ERO1A: variants seen among roughly 807,000 people sequenced by gnomAD.
The protein encoded by ERO1A is endoplasmic reticulum oxidoreductase 1 alpha.
ERO1A carries 49 observed loss-of-function variants against 76.9 expected under a neutral mutation model. That is an observed-to-expected ratio of 0.64 (90% confidence interval 0.51 to 0.81). The LOEUF (loss-of-function observed/expected upper bound fraction) is 0.81. Ranked by LOEUF, ERO1A falls within the 30% of genes least tolerant of loss-of-function variation. The pLI is 0.00. For missense variants in ERO1A, 448 were observed against 542.1 expected (o/e 0.83, Z 1.72); for synonymous variants, 174 against 181.2 (o/e 0.96, Z 0.32).
At chr14:52,659,939 TCCTCCCATCTCAG>T (rs1404025733) in intron 9 of ERO1A, among the ~76,000 whole-genome samples, 1 of 151,884 alleles carries the variant, frequency 6.6e-6, no homozygotes, top group East Asian at 1.9e-4. Flanking sequence ...GCTCAAGTGA[TCCTCCCATCTCAG>T]CCTCCCACAC....
chr14:52,662,108 A>T (rs1320460362), intron 8 of ERO1A, among the ~76,000 whole-genome samples: 1 of 152,150 alleles, frequency 6.6e-6, no homozygotes, highest in Non-Finnish European at 1.5e-5. Flanking sequence ...AATTTACAGC[A>T]ATATTTACAA....
intron 4 of ERO1A, among the ~76,000 whole-genome samples, chr14:52,677,191 C>G (rs77032508): frequency 0.02 from 3,056 of 152,174 alleles, 108 homozygotes; most frequent in African/African-American, 0.069. Flanking sequence ...AGGTAATAAT[C>G]ATCAAGGCTG....
At chr14:52,687,180 C>T (rs1207962999) in intron 1 of ERO1A, among the ~76,000 whole-genome samples, 1 of 152,190 alleles carries the variant, frequency 6.6e-6, no homozygotes, top group East Asian at 1.9e-4. Flanking sequence ...GTAATCAGCA[C>T]TTTGGGAGGC....
chr14:52,685,143 C>T (rs1461360652), intron 1 of ERO1A, among the ~76,000 whole-genome samples: 4 of 151,996 alleles, frequency 2.6e-5, no homozygotes, highest in African/African-American at 9.7e-5. Flanking sequence ...TATTTCAGAA[C>T]ACTGTAAAAT....
At chr14:52,648,445 T>A (rs377472456) in intron 13 of ERO1A, among the ~76,000 whole-genome samples, 23 of 152,256 alleles carry the variant, frequency 1.5e-4, no homozygotes, top group African/African-American at 5.5e-4. Context: ...ATTATGAGGA[T>A]CCACAGAATC....
At chr14:52,693,396 T>C (rs1248263492) in intron 1 of ERO1A, among the ~76,000 whole-genome samples, 1 of 152,204 alleles carries the variant, frequency 6.6e-6, no homozygotes, top group African/African-American at 2.4e-5. Context: ...AAACTCCAAG[T>C]TCTTCAGTTT....
Position 52,646,246 on chromosome 14 carries a change from C to T in ERO1A, c.1254G>A (p.Glu418=), listed in dbSNP as rs539952521. 6.2e-7 allele frequency: 1 copy of T among 1,613,892 alleles called. No individual in the cohort carries two copies. The highest frequency in any genetic ancestry group is 1.7e-5 in the Admixed American group (1 of 59,994). Residue 418 remains glutamate, a synonymous_variant, in exon 15 of 16, where the codon GAG becomes GAA. Transcript: ENST00000395686. ...TTTCTGGCATATTTGCTATCAATTT[C>T]TCAGAAAATAAGATCTTCAGAGCAG... is the stretch of plus-strand genomic sequence containing the variant. ...LGTALKILFS[E]KLIANMPESG... is the part of the protein sequence containing the mutation.
chr14:52,646,656 C>T (rs953934100), intron 13 of ERO1A, 195 bp from the exon 14 acceptor site: 44 of 458,616 alleles, frequency 9.6e-5, no homozygotes, highest in Non-Finnish European at 1.5e-4. Flanking sequence ...ACCACAAATC[C>T]AAAGGTAGTT....
chr14:52,652,968 C>G (rs2039922459), intron 12 of ERO1A, 101 bp downstream of exon 12: 1 of 807,444 alleles, frequency 1.2e-6, no homozygotes, highest in Admixed American at 2.7e-5. Context: ...GCACTCCAGC[C>G]TGGGCAACAG....
rs201842934 is a variant in ERO1A, at chr14:52,663,784, G to T, written c.676+17C>A. 44 of 1,464,384 alleles carry T rather than the reference G, an allele frequency of 3.0e-5. No homozygotes were observed. Among genetic ancestry groups the T allele is most frequent in the Non-Finnish European group, 4.2e-5 (44 of 1,046,860 alleles). The allele number at this position is 1,464,384 out of a possible 1,614,324, so 90.7% of individuals were successfully genotyped here. On this transcript the variant is annotated intron_variant, in intron 8 of 15. Coordinates refer to ENST00000395686, the MANE Select transcript of ERO1A (RefSeq NM_014584.3). ...CCTGGCTGAGAAATAATATAACAAC[G>T]CAAATAAGTAATTTACCTTGACCAG...
chr14:52,646,166 T>C lies in ERO1A; in HGVS notation c.1334A>G (p.Asn445Ser), dbSNP rs372686338. 8 of 1,610,824 alleles carry C rather than the reference T, an allele frequency of 5.0e-6. No individual in the cohort carries two copies. Among genetic ancestry groups the C allele is most frequent in the Admixed American group, 3.4e-5 (2 of 59,332 alleles). Residue 445 changes from asparagine (N) to serine (S), a missense_variant, in exon 15 of 16, where the codon AAC becomes AGC. By Grantham distance (46) the Asn-to-Ser change is conservative (BLOSUM62 1). Around this residue, in one of 2 missense-constraint regions of ERO1A, gnomAD observed 302 missense variants for 411.9 expected, o/e 0.73. Coordinates refer to ENST00000395686, the MANE Select transcript of ERO1A (RefSeq NM_014584.3). ...LTRQEIVSLF[N>S]AFGRISTSVK... Reference sequence around the variant, plus strand: ...CATTCAAACTAACCTTCCAAATGCGTTGAATAATGATACTATTTCTTGTCT... The same window carrying C: ...CATTCAAACTAACCTTCCAAATGCGCTGAATAATGATACTATTTCTTGTCT...
Position 52,680,467 on chromosome 14 carries a change from T to C in ERO1A, c.318+1858A>G, listed in dbSNP as rs139237617. On this transcript the variant is annotated intron_variant, in intron 3 of 15. Transcript: ENST00000395686. ...CTTCATCAATAATAATCAGAAATAA[T>C]TGGTATCTCAAGATGAGATTTGACT... Among the ~76,000 whole-genome samples, 26 of 152,318 alleles carry C rather than the reference T, an allele frequency of 1.7e-4. No individual in the cohort carries two copies. In the East Asian group the frequency reaches 2.1e-3, roughly 12 times the overall value.
chr14:52,662,897 G>C (rs1000020058), intron 8 of ERO1A, among the ~76,000 whole-genome samples: 1 of 151,836 alleles, frequency 6.6e-6, no homozygotes, highest in African/African-American at 2.4e-5. Context: ...AGGGTAGATC[G>C]ATAGATACAT....
chr14:52,654,838 G>A (rs1365043171), intron 11 of ERO1A, among the ~76,000 whole-genome samples: 2 of 152,030 alleles, frequency 1.3e-5, no homozygotes, highest in African/African-American at 2.4e-5. Flanking sequence ...TCTATGTGAT[G>A]GCTACAGTTT....
rs145923553 is a variant in ERO1A at position 52,662,189 on chromosome 14, C to T, written c.677-885G>A. Among the ~76,000 whole-genome samples, 564 of 152,126 alleles carry T rather than the reference C, an allele frequency of 3.7e-3. 2 individuals are homozygous for T. Among genetic ancestry groups the T allele is most frequent in the South Asian group, 0.011 (55 of 4,818 alleles). Reference sequence around the variant, plus strand: ...CCTAATGATAAACATTTAAATTGTTCCTATGTATCTTTATGGTAAGTGACG... The same window carrying T: ...CCTAATGATAAACATTTAAATTGTTTCTATGTATCTTTATGGTAAGTGACG... On this transcript the variant is annotated intron_variant, in intron 8 of 15. Coordinates refer to ENST00000395686, the MANE Select transcript of ERO1A (RefSeq NM_014584.3).
chr14:52,691,321 TAC>T (rs2041347371), intron 1 of ERO1A, among the ~76,000 whole-genome samples: 2 of 152,216 alleles, frequency 1.3e-5, no homozygotes, highest in Admixed American at 1.3e-4. Context: ...CCTAGAACGC[TAC>T]AGGTCATTTT....
chr14:52,680,790 T>C (rs2139754298), intron 3 of ERO1A, among the ~76,000 whole-genome samples: 1 of 152,358 alleles, frequency 6.6e-6, no homozygotes, highest in East Asian at 1.9e-4. Context: ...GTTGTATCTA[T>C]ATGAGGATTA....
At chr14:52,655,364 C>T (rs1264026511) in intron 11 of ERO1A, among the ~76,000 whole-genome samples, 1 of 125,666 alleles carries the variant, frequency 8.0e-6, no homozygotes, top group Non-Finnish European at 1.7e-5. Context: ...GACTCTGTCT[C>T]AAAAAAAAAA....
In ERO1A at chr14:52,661,322, A is replaced by G. The variant is rs1594824200; in HGVS notation, c.677-18T>C. 1 of 1,402,004 alleles carries G rather than the reference A, an allele frequency of 7.1e-7. No homozygotes were observed. Among genetic ancestry groups the G allele is most frequent in the Non-Finnish European group, 9.5e-7 (1 of 1,052,928 alleles). 86.8% of individuals were successfully genotyped at this position (1,402,004 alleles called of 1,614,324 possible). A position where few individuals can be genotyped will look rare whatever the true frequency, so the allele number is the denominator to read the frequency against. On this transcript the variant is annotated intron_variant, in intron 8 of 15. Transcript: ENST00000395686. ...ACTTGTCCCTGAAAAGCAAAACAAA[A>G]TGTTTATTAAAATAAATTCCTTCCA...
Sources: gnomAD v4.1 joint callset for allele counts (sites outside exome capture counted in the v4.1 genomes callset) on GRCh38, gnomAD v4.1.1 for gene constraint, gnomAD v4.1.1 regional missense constraint, MANE v1.5 for transcripts, NCBI Gene and HGNC (gene_info 2026-07-23, HGNC 2026-07-21) for gene names.